The following DLGAP1 variants were observed in gnomAD, a reference collection of about 807,000 sequenced individuals.
DLGAP1 encodes the protein disks large-associated protein 1.
Under a neutral mutation model 90.8 loss-of-function variants are expected in DLGAP1, and 11 were observed. That is an observed-to-expected ratio of 0.12 (90% confidence interval 0.08 to 0.20). The LOEUF (loss-of-function observed/expected upper bound fraction) is 0.20. Ranked by LOEUF, DLGAP1 falls within the 10% of genes least tolerant of loss-of-function variation. DLGAP1 has a pLI of 1.00. For synonymous variants in DLGAP1, 558 were observed against 540.7 expected, an observed-to-expected ratio of 1.03 and a Z score of -0.44; for missense variants, 1,050 against 1,333.8, an observed-to-expected ratio of 0.79 and a Z score of 3.31.
chr18:4,039,753 A>G (rs1366346151), intron 2 of DLGAP1, among the ~76,000 whole-genome samples: 1 of 152,242 alleles, frequency 6.6e-6, no homozygotes. Context: ...AAGAATATAC[A>G]AATAAAAGCA....
chr18:3,680,580 G>A (rs186808034), intron 7 of DLGAP1, among the ~76,000 whole-genome samples: 8 of 152,294 alleles, frequency 5.3e-5, no homozygotes, highest in African/African-American at 1.4e-4. Context: ...GGAGTCAGGA[G>A]ATCAAGACCA....
chr18:3,918,574 C>T (rs1325193262), intron 3 of DLGAP1, among the ~76,000 whole-genome samples: 1 of 152,090 alleles, frequency 6.6e-6, no homozygotes, highest in Non-Finnish European at 1.5e-5. Flanking sequence ...AACTAGAGGT[C>T]CCTGGAAAAG....
intron 1 of DLGAP1, among the ~76,000 whole-genome samples, chr18:4,179,374 T>G (rs961699207): frequency 2.0e-5 from 3 of 151,984 alleles, no homozygotes; most frequent in Admixed American, 1.3e-4. Context: ...ATGCTCCCTA[T>G]TCAATAAAAT....
chr18:3,679,062 G>T (rs985763860), intron 7 of DLGAP1, among the ~76,000 whole-genome samples: 1 of 152,132 alleles, frequency 6.6e-6, no homozygotes, highest in South Asian at 2.1e-4. Flanking sequence ...ACACTCCTGG[G>T]CTCAAGCAAT....
chr18:4,057,004 T>TAC (rs55887550), intron 2 of DLGAP1, among the ~76,000 whole-genome samples: 5,590 of 114,920 alleles, frequency 0.049, 225 homozygotes, highest in Admixed American at 0.077. Context: ...TGACCATACA[T>TAC]ACACACACAC....
At chr18:3,620,238 T>C (rs2058045724) in intron 7 of DLGAP1, among the ~76,000 whole-genome samples, 1 of 152,014 alleles carries the variant, frequency 6.6e-6, no homozygotes, top group Non-Finnish European at 1.5e-5. Flanking sequence ...GAAGTGTGTG[T>C]GTGCGAGAGA....
intron 3 of DLGAP1, among the ~76,000 whole-genome samples, chr18:3,893,886 T>C (rs560184566): frequency 6.6e-6 from 1 of 152,170 alleles, no homozygotes; most frequent in Admixed American, 6.5e-5. Context: ...CGTCTGTTAT[T>C]TTTTGATTTT....
chr18:3,970,778 A>C (rs550592407), intron 3 of DLGAP1, among the ~76,000 whole-genome samples: 1 of 152,318 alleles, frequency 6.6e-6, no homozygotes, highest in African/African-American at 2.4e-5. Flanking sequence ...AACATTAAAA[A>C]TCTGGAAGCA....
chr18:3,585,079 G>A (rs1383230020), intron 7 of DLGAP1, among the ~76,000 whole-genome samples: 3 of 152,098 alleles, frequency 2.0e-5, no homozygotes, highest in African/African-American at 7.2e-5. Flanking sequence ...TTTGAATGCA[G>A]CTCAACAATA....
chr18:4,004,912 GT>G (rs1295797020), intron 3 of DLGAP1: 1 of 8,146 alleles, frequency 1.2e-4, no homozygotes, highest in Admixed American at 1.1e-3. Context: ...GGAAGGGTGT[GT>G]GTGTGTGTGT....
At chr18:3,814,361 A>ATTTTTTT (rs372490602) in intron 4 of DLGAP1, 88 bp from the exon 5 acceptor site, 19 of 880,368 alleles carry the variant, frequency 2.2e-5, no homozygotes, top group African/African-American at 4.1e-5. Context: ...TAACATTTCT[A>ATTTTTTT]TTTTTTTTTT....
At chr18:3,917,600 T>C (rs16945636) in intron 3 of DLGAP1, among the ~76,000 whole-genome samples, 3,865 of 152,344 alleles carry the variant, frequency 0.025, 68 homozygotes, top group African/African-American at 0.033. Context: ...ACTAGGCATG[T>C]ACTGAGTAAA....
chr18:3,553,066 A>T (rs2053565202), intron 9 of DLGAP1, among the ~76,000 whole-genome samples: 1 of 152,192 alleles, frequency 6.6e-6, no homozygotes, highest in Non-Finnish European at 1.5e-5. Context: ...CCTCCAAGAT[A>T]CATGTGTATC....
At chr18:3,522,546 C>CTT (rs532794429) in intron 10 of DLGAP1, among the ~76,000 whole-genome samples, 5,432 of 116,478 alleles carry the variant, frequency 0.047, 310 homozygotes, top group Admixed American at 0.066. Context: ...GCAGTCAACT[C>CTT]TTTTTTTTTT....
intron 1 of DLGAP1, among the ~76,000 whole-genome samples, chr18:4,441,502 C>T (rs1398352722): frequency 1.3e-5 from 2 of 152,162 alleles, no homozygotes. Context: ...CATGGTAAAA[C>T]TCAAAAATAA....
intron 5 of DLGAP1, among the ~76,000 whole-genome samples, chr18:3,788,598 T>G (rs1598749631): frequency 6.6e-6 from 1 of 152,264 alleles, no homozygotes; most frequent in Admixed American, 6.5e-5. Flanking sequence ...GCTCTTTGGG[T>G]TAAGTAGCTT....
chr18:3,905,041 T>C (rs566618621), intron 3 of DLGAP1, among the ~76,000 whole-genome samples: 7 of 151,558 alleles, frequency 4.6e-5, no homozygotes, highest in Admixed American at 2.0e-4. Context: ...GTTCTTACCC[T>C]GACATTAGAA....
chr18:4,419,418 TG>T lies in DLGAP1; in HGVS notation c.-267+35587del, dbSNP rs2082978285. 2.0e-5 allele frequency among the ~76,000 whole-genome samples: 3 copies of T among 152,136 alleles called. No individual in the cohort carries two copies. The South Asian group carries it at 6.2e-4, about 32-fold the overall frequency. On this transcript the variant is annotated intron_variant, in intron 1 of 12. Coordinates refer to ENST00000315677, the MANE Select transcript of DLGAP1 (RefSeq NM_004746.4). ...GCCAGCAGACCTACCCTTCAAAAAG[TG>T]GTAAAGGAAGTTCTATAGGCAGAAA... is the stretch of plus-strand genomic sequence containing the variant.
chr18:4,008,684 C>T (rs184492852), intron 2 of DLGAP1, among the ~76,000 whole-genome samples: 180 of 152,170 alleles, frequency 1.2e-3, no homozygotes, highest in African/African-American at 4.1e-3. Flanking sequence ...AAACCAGTGA[C>T]GGGGAAAAAA....
Sources: gnomAD v4.1 joint callset for allele counts (sites outside exome capture counted in the v4.1 genomes callset) on GRCh38, gnomAD v4.1.1 for gene constraint, MANE v1.5 for transcripts, NCBI Gene and HGNC (gene_info 2026-07-23, HGNC 2026-07-21) for gene names.